DLGAP2: variants seen among roughly 807,000 people sequenced by gnomAD.
DLGAP2 encodes the protein DLG associated protein 2, also known as disks large-associated protein 2.
In DLGAP2, 26 loss-of-function variants were observed where a neutral mutation model predicts 100.3. The ratio of observed to expected loss-of-function variants is 0.26; its 90% CI spans 0.19 to 0.36. DLGAP2 has a LOEUF of 0.36. DLGAP2 is among the 10% of genes least tolerant of loss of function. The probability of loss-of-function intolerance (pLI) is 1.00; values close to 1 mark genes in which losing one functional copy is unlikely to be tolerated. For synonymous variants in DLGAP2, 886 were observed against 630.1 expected, an observed-to-expected ratio of 1.41 and a Z score of -6.08; for missense variants, 1,858 against 1,453.2, an observed-to-expected ratio of 1.28 and a Z score of -4.53.
intron 6 of DLGAP2, among the ~76,000 whole-genome samples, chr8:1,607,590 G>C (rs920097300): frequency 6.6e-6 from 1 of 152,212 alleles, no homozygotes; most frequent in Non-Finnish European, 1.5e-5. Flanking sequence ...CGTGAGCGAC[G>C]CAGAAGACGG....
At chr8:902,979 T>TGGGG (rs1203734099) in intron 1 of DLGAP2, among the ~76,000 whole-genome samples, 1 of 15,292 alleles carries the variant, frequency 6.5e-5, no homozygotes, top group Admixed American at 9.4e-4. Context: ...TTCGGGTGGG[T>TGGGG]GGGGGCGGGG....
intron 3 of DLGAP2, among the ~76,000 whole-genome samples, chr8:1,311,198 A>T (rs536028392): frequency 6.6e-6 from 1 of 152,366 alleles, no homozygotes; most frequent in Non-Finnish European, 1.5e-5. Context: ...ACAAATTTAT[A>T]TAACAATGAA....
intron 3 of DLGAP2, among the ~76,000 whole-genome samples, chr8:1,373,115 G>A (rs1001731803): frequency 6.6e-6 from 1 of 152,216 alleles, no homozygotes; most frequent in Non-Finnish European, 1.5e-5. Context: ...GTGCCTGGGG[G>A]GGCGCCAGCA....
At chr8:1,448,369 G>T (rs916772262) in intron 3 of DLGAP2, among the ~76,000 whole-genome samples, 3 of 152,070 alleles carry the variant, frequency 2.0e-5, no homozygotes, top group Non-Finnish European at 2.9e-5. Context: ...AGGAGCAGGT[G>T]GTTCAGTTTC....
intron 1 of DLGAP2, among the ~76,000 whole-genome samples, chr8:789,027 G>A (rs1821953827): frequency 1.3e-5 from 2 of 152,182 alleles, no homozygotes; most frequent in Admixed American, 6.5e-5. Context: ...GGTTTTGCCG[G>A]TTTTTAAAAA....
chr8:852,196 A>T (rs1452093651), intron 1 of DLGAP2, among the ~76,000 whole-genome samples: 6 of 151,828 alleles, frequency 4.0e-5, no homozygotes, highest in Non-Finnish European at 7.4e-5. Context: ...GCTCTGAGGG[A>T]TAGGAAATCT....
intron 3 of DLGAP2, among the ~76,000 whole-genome samples, chr8:1,453,488 C>T (rs1025506146): frequency 3.9e-5 from 6 of 152,072 alleles, no homozygotes; most frequent in East Asian, 3.9e-4. Flanking sequence ...GGAGTGTTGG[C>T]GTGGCTGCAT....
chr8:1,628,319 G>A (rs536328404), intron 7 of DLGAP2, among the ~76,000 whole-genome samples: 236 of 141,394 alleles, frequency 1.7e-3, no homozygotes, highest in African/African-American at 4.7e-3. Flanking sequence ...AGCTTGAGCC[G>A]AGCTCACATT....
At chr8:796,752 C>T (rs1796044304) in intron 1 of DLGAP2, among the ~76,000 whole-genome samples, 1 of 152,208 alleles carries the variant, frequency 6.6e-6, no homozygotes. Context: ...CTTCATGGCC[C>T]CATGCCCGCA....
chr8:1,251,039 A>G (rs949162543), intron 2 of DLGAP2, among the ~76,000 whole-genome samples: 12 of 152,348 alleles, frequency 7.9e-5, no homozygotes, highest in Non-Finnish European at 7.3e-5. Flanking sequence ...TGTGTACATC[A>G]ACTATCTGCA....
chr8:1,603,724 T>C (rs969468794), intron 6 of DLGAP2, among the ~76,000 whole-genome samples: 14 of 152,198 alleles, frequency 9.2e-5, no homozygotes, highest in African/African-American at 3.1e-4. Context: ...ATCCAGCTCA[T>C]AGTAGTTGGA....
At chr8:1,194,569 C>G (rs1207404526) in intron 2 of DLGAP2, among the ~76,000 whole-genome samples, 1 of 152,176 alleles carries the variant, frequency 6.6e-6, no homozygotes, top group Non-Finnish European at 1.5e-5. Flanking sequence ...CAGGACCAGT[C>G]AGGAAGCCCT....
intron 3 of DLGAP2, among the ~76,000 whole-genome samples, chr8:1,415,026 G>GA (rs374531889): frequency 2.6e-5 from 4 of 151,906 alleles, no homozygotes; most frequent in Admixed American, 6.6e-5. Flanking sequence ...AAAAAAAGAA[G>GA]AAAAAAAATC....
At chr8:1,237,498 G>C (rs1289256902) in intron 2 of DLGAP2, among the ~76,000 whole-genome samples, 1 of 131,674 alleles carries the variant, frequency 7.6e-6, no homozygotes, top group Non-Finnish European at 1.6e-5. Flanking sequence ...CTCACACATA[G>C]CGTCATGTCT....
intron 2 of DLGAP2, among the ~76,000 whole-genome samples, chr8:1,250,897 G>A (rs1001865223): frequency 3.9e-5 from 6 of 152,170 alleles, no homozygotes; most frequent in African/African-American, 1.2e-4. Flanking sequence ...GCCCTTAGGC[G>A]GCTTTGTTGT....
At chr8:1,191,394 T>G (rs139770579) in intron 2 of DLGAP2, among the ~76,000 whole-genome samples, 17 of 152,216 alleles carry the variant, frequency 1.1e-4, no homozygotes, top group South Asian at 2.1e-4. Flanking sequence ...ATGGTCTTGA[T>G]CTCCTGACCT....
At chr8:1,510,627 C>T (rs751743383) in intron 4 of DLGAP2, among the ~76,000 whole-genome samples, 2 of 152,220 alleles carry the variant, frequency 1.3e-5, no homozygotes, top group Admixed American at 6.5e-5. Context: ...ATGAAGGTCA[C>T]AGGACGCGCA....
intron 1 of DLGAP2, among the ~76,000 whole-genome samples, chr8:846,699 A>G (rs1162814565): frequency 6.6e-6 from 1 of 152,140 alleles, no homozygotes; most frequent in Non-Finnish European, 1.5e-5. Context: ...AATTTTTTTT[A>G]GGAACCTTGA....
intron 4 of DLGAP2, among the ~76,000 whole-genome samples, chr8:1,546,191 T>C (rs540119625): frequency 6.6e-6 from 1 of 152,372 alleles, no homozygotes; most frequent in South Asian, 2.1e-4. Context: ...TAGGTGCTCC[T>C]GTGAGACAGC....
Sources: gnomAD v4.1 joint callset for allele counts (sites outside exome capture counted in the v4.1 genomes callset) on GRCh38, gnomAD v4.1.1 for gene constraint, MANE v1.5 for transcripts, NCBI Gene and HGNC (gene_info 2026-07-23, HGNC 2026-07-21) for gene names.